Variants in PRG3 observed in about 807,000 individuals in gnomAD.
PRG3 encodes the protein proteoglycan 3.
A neutral mutation model predicts 26.1 loss-of-function variants in PRG3; 25 were observed. The ratio of observed to expected loss-of-function variants is 0.96; its 90% CI spans 0.70 to 1.34. The LOEUF (loss-of-function observed/expected upper bound fraction) is 1.34, where lower values mean the gene tolerates loss of function less well. PRG3 is among the 40% of genes most tolerant of loss of function. PRG3 has a pLI of 0.00. For missense variants in PRG3, 280 were observed against 264.8 expected, an observed-to-expected ratio of 1.06 and a Z score of -0.40; for synonymous variants, 111 against 100.4, an observed-to-expected ratio of 1.11 and a Z score of -0.63.
At chr11:57,380,298 G>A (rs1856985801) in intron 2 of PRG3, among the ~76,000 whole-genome samples, 2 of 152,268 alleles carry the variant, frequency 1.3e-5, no homozygotes, top group South Asian at 4.1e-4. Flanking sequence ...TACTCAGGAG[G>A]CTGAGGCAGA....
At position 57,379,695 on chromosome 11, in the gene PRG3, C is replaced by A. The variant is rs1590651968; in HGVS notation, c.174G>T (p.Gln58His). 6.2e-7 allele frequency: 1 copy of A among 1,613,996 alleles called. No homozygotes were observed. ...RDLALTEEVIQAEGEEVKASA... is the reference protein window; with the variant it reads ...RDLALTEEVIHAEGEEVKASA... ...AAGCCTTGACCTCCTCTCCCTCTGC[C>A]TGAATCACCTCCTCCGTCAGAGCCA... Residue 58 changes from glutamine (Q) to histidine (H), a missense_variant, in exon 3 of 6, where the codon CAG becomes CAT. Physicochemically the swap from Gln to His is conservative, Grantham distance 24. Transcript: ENST00000287143.
At position 57,380,785 on chromosome 11, in the gene PRG3, G is replaced by T; in HGVS notation, c.-73-4C>A. 2 of 1,019,908 alleles carry T rather than the reference G, an allele frequency of 2.0e-6. No homozygotes were observed. Among genetic ancestry groups the T allele is most frequent in the Non-Finnish European group, 2.8e-6 (2 of 717,154 alleles). The allele number at this position is 1,019,908 out of a possible 1,614,324, so 63.2% of individuals were successfully genotyped here. ...CTTTGTGTGTCTAGTATAGCCCCTG[G>T]CACATAGTATAGAGGGAATATTTGT... On this transcript the variant is annotated splice_polypyrimidine_tract_variant and splice_region_variant and intron_variant, in intron 1 of 5. Coordinates refer to ENST00000287143, the MANE Select transcript of PRG3 (RefSeq NM_006093.4).
chr11:57,380,436 AAC>A, intron 2 of PRG3, among the ~76,000 whole-genome samples: 1 of 148,736 alleles, frequency 6.7e-6, no homozygotes, highest in East Asian at 1.9e-4. Flanking sequence ...AAAAAACAAA[AAC>A]AACAACAACA....
chr11:57,376,803 G>C lies in PRG3; in HGVS notation c.*47C>G. On this transcript the variant is annotated 3_prime_UTR_variant, in exon 6 of 6. Transcript: ENST00000287143. ...AAGTCTGGATTTATGAGCAGGAGAGGTTGGGGGACGGGAGGGAGCTGCTGG... is the reference window on the plus strand; with the variant it reads ...AAGTCTGGATTTATGAGCAGGAGAGCTTGGGGGACGGGAGGGAGCTGCTGG... 6.3e-7 allele frequency: 1 copy of C among 1,588,502 alleles called. No homozygotes were observed. The highest frequency in any genetic ancestry group is 8.6e-7 in the Non-Finnish European group (1 of 1,158,730).
At chr11:57,379,372 C>T (rs1856975107) in intron 3 of PRG3, 122 bp downstream of exon 3, 2 of 1,035,344 alleles carry the variant, frequency 1.9e-6, no homozygotes, top group South Asian at 3.3e-5. Context: ...TTAACAACAA[C>T]TCCAGGTGAT....
At chr11:57,378,160 T>C (rs7107352) in intron 4 of PRG3, among the ~76,000 whole-genome samples, 15,825 of 152,188 alleles carry the variant, frequency 0.1, 936 homozygotes, top group African/African-American at 0.14. Flanking sequence ...TGCTGATCTA[T>C]GGACCATACT....
rs766344975 is a variant in PRG3, at chr11:57,379,582, T to C, written c.287A>G (p.Glu96Gly). ...LDKDFQCPRE[E>G]DIVEVQGSPR... is the part of the protein sequence containing the mutation. ...ACTTCCCTGCACTTCAACAATGTCTTCTTCCCTGGGGCACTGGAAGTCCTT... is the reference window on the plus strand; with the variant it reads ...ACTTCCCTGCACTTCAACAATGTCTCCTTCCCTGGGGCACTGGAAGTCCTT... The change falls in exon 3 of 6, where the codon GAA (glutamate) becomes GGA (glycine). Residue 96 changes from glutamate (E) to glycine (G), a missense_variant. Coordinates refer to ENST00000287143, the MANE Select transcript of PRG3 (RefSeq NM_006093.4). 6.2e-7 allele frequency: 1 copy of C among 1,613,896 alleles called. No homozygotes were observed. The highest frequency in any genetic ancestry group is 8.5e-7 in the Non-Finnish European group (1 of 1,180,008).
At chr11:57,378,362 A>G (rs1284412698) in intron 4 of PRG3, among the ~76,000 whole-genome samples, 1 of 148,748 alleles carries the variant, frequency 6.7e-6, no homozygotes, top group Non-Finnish European at 1.5e-5. Context: ...ATGCTGGTAA[A>G]TGTTTATACC....
At chr11:57,377,867 A>G in intron 4 of PRG3, 31 bp from the exon 5 acceptor site, 2 of 1,572,598 alleles carry the variant, frequency 1.3e-6, no homozygotes, top group Non-Finnish European at 1.7e-6. Context: ...GTCAGAGGGC[A>G]GAAGTTCAGA....
chr11:57,377,153 A>T (rs1856953013), intron 5 of PRG3, among the ~76,000 whole-genome samples: 1 of 152,148 alleles, frequency 6.6e-6, no homozygotes, highest in Non-Finnish European at 1.5e-5. Context: ...TGACTCCAAG[A>T]GGTGGGTGCT....
In PRG3 at chr11:57,378,714, G is replaced by C. The variant is rs1856968784; in HGVS notation, c.474C>G (p.Ala158=). 1.9e-6 allele frequency: 3 copies of C among 1,613,620 alleles called. No individual in the cohort carries two copies. The highest frequency in any genetic ancestry group is 1.3e-5 in the African/African-American group (1 of 74,920). Residue 158 remains alanine (A), a synonymous_variant, in exon 4 of 6, where the codon GCC becomes GCG. Transcript: ENST00000287143. The part of the protein sequence containing the change: ...IQCCTSTVNQ[A]QVWIGGNLRG... The stretch of plus-strand genomic sequence containing the variant: ...TGAGGTTGCCTCCAATCCAGACCTG[G>C]GCTTGGTTGACTGTGCTAGTGCAGC...
In PRG3 at chr11:57,379,764, G is replaced by T; in HGVS notation, c.105C>A (p.Asp35Glu). Residue 35 changes from aspartate to glutamate, a missense_variant, in exon 3 of 6, where the codon GAC becomes GAA. Physicochemically the swap from Asp to Glu is conservative, Grantham distance 45. Coordinates refer to ENST00000287143, the MANE Select transcript of PRG3 (RefSeq NM_006093.4). ...PHLESLETQADLGQDLDSSKE... is the reference protein window; with the variant it reads ...PHLESLETQAELGQDLDSSKE... Reference sequence around the variant, plus strand: ...TTGAACTATCCAGATCCTGGCCTAGGTCTGCCTGTGTCTCTAGGCTCTCCA... The same window carrying T: ...TTGAACTATCCAGATCCTGGCCTAGTTCTGCCTGTGTCTCTAGGCTCTCCA... The T allele has an allele frequency of 6.2e-7, 1 of 1,613,626 alleles. No homozygotes were observed. Among genetic ancestry groups the T allele is most frequent in the Non-Finnish European group, 8.5e-7 (1 of 1,179,824 alleles).
chr11:57,378,669 C>T lies in PRG3; in HGVS notation c.507+12G>A, dbSNP rs770169520. ...AGAACTTACTGCACCCAAGATTTGG[C>T]CCCTGACTTACCCAGCCCCTGAGGT... On this transcript the variant is annotated intron_variant, in intron 4 of 5. Coordinates refer to ENST00000287143, the MANE Select transcript of PRG3 (RefSeq NM_006093.4). 1.1e-5 allele frequency: 17 copies of T among 1,611,778 alleles called. No individual in the cohort carries two copies. The highest frequency in any genetic ancestry group is 2.2e-5 in the South Asian group (2 of 90,914).
At chr11:57,379,412 T>C in intron 3 of PRG3, 82 bp downstream of exon 3, 1 of 1,353,470 alleles carries the variant, frequency 7.4e-7, no homozygotes, top group Non-Finnish European at 1.0e-6. Context: ...TGAGAACCAC[T>C]AGCCTAAATG....
rs1856981132 is a variant in PRG3 at position 57,379,800 on chromosome 11, A to C, written c.69T>G (p.Asp23Glu). Residue 23 changes from aspartate (D) to glutamate (E), a missense_variant, in exon 3 of 6, where the codon GAT becomes GAG. Asp to Glu is a conservative substitution (Grantham distance 45, BLOSUM62 2). Transcript: ENST00000287143. Reference protein sequence around the residue: ...GTVSALHLENDAPHLESLETQ... With the variant: ...GTVSALHLENEAPHLESLETQ... Reference sequence around the variant, plus strand: ...TCTCTAGGCTCTCCAGATGGGGGGCATCATTCTCTGGGAAGAAGAGGTAAC... The same window carrying C: ...TCTCTAGGCTCTCCAGATGGGGGGCCTCATTCTCTGGGAAGAAGAGGTAAC... 3.1e-6 allele frequency: 5 copies of C among 1,605,444 alleles called. No homozygotes were observed. Among genetic ancestry groups the C allele is most frequent in the Non-Finnish European group, 4.3e-6 (5 of 1,174,956 alleles).
At chr11:57,377,970 C>A in intron 4 of PRG3, 134 bp from the exon 5 acceptor site, 1 of 656,582 alleles carries the variant, frequency 1.5e-6, no homozygotes, top group Non-Finnish European at 2.6e-6. Flanking sequence ...TAAGAGTTTC[C>A]AGGCAATGAC....
chr11:57,378,950 T>A, intron 3 of PRG3, 138 bp from the exon 4 acceptor site: 1 of 934,340 alleles, frequency 1.1e-6, no homozygotes, highest in Non-Finnish European at 1.6e-6. Flanking sequence ...GCTTCTTAAT[T>A]AGCTGTCAGG....
intron 5 of PRG3, 126 bp downstream of exon 5, chr11:57,377,599 G>A (rs1257481636): frequency 2.6e-6 from 2 of 755,492 alleles, no homozygotes; most frequent in Non-Finnish European, 2.1e-6. Context: ...TTACACACAG[G>A]ACTTTTGTTC....
At chr11:57,379,429 G>A (rs963401682) in intron 3 of PRG3, 65 bp downstream of exon 3, 1 of 1,435,080 alleles carries the variant, frequency 7.0e-7, no homozygotes, top group Non-Finnish European at 9.4e-7. Context: ...AATGAATAGG[G>A]AACAGAAGAC....
Sources: gnomAD v4.1 joint callset for allele counts (sites outside exome capture counted in the v4.1 genomes callset) on GRCh38, gnomAD v4.1.1 for gene constraint, MANE v1.5 for transcripts, NCBI Gene and HGNC (gene_info 2026-07-23, HGNC 2026-07-21) for gene names.